SH3KBP1: variants seen among roughly 807,000 people sequenced by gnomAD.
The protein encoded by SH3KBP1 is SH3 domain containing kinase binding protein 1, also known as SH3 domain-containing kinase-binding protein 1.
A neutral mutation model predicts 50.1 loss-of-function variants in SH3KBP1; 8 were observed. The observed-to-expected ratio is 0.16, with a 90% confidence interval of 0.09 to 0.29. SH3KBP1 has a LOEUF of 0.29. Ranked by LOEUF, SH3KBP1 falls within the 10% of genes least tolerant of loss-of-function variation. The pLI is 1.00. For missense variants in SH3KBP1, 377 were observed against 535.2 expected (o/e 0.70, Z 2.92); for synonymous variants, 227 against 218.6 (o/e 1.04, Z -0.34).
chrX:19,832,698 T>C (rs1258091668), intron 2 of SH3KBP1, among the ~76,000 whole-genome samples: 4 of 109,806 alleles, frequency 3.6e-5, no homozygotes, highest in Non-Finnish European at 7.6e-5. Context: ...CCACCAGGGC[T>C]TCCCTTGAGC....
At chrX:19,795,679 T>C (rs1042219470) in intron 2 of SH3KBP1, among the ~76,000 whole-genome samples, 1 of 110,914 alleles carries the variant, frequency 9.0e-6, no homozygotes, top group Non-Finnish European at 1.9e-5. Flanking sequence ...CCAAAAAGAG[T>C]CTGCCTATGG....
chrX:19,780,090 T>C lies in SH3KBP1; in HGVS notation c.163-33649A>G, dbSNP rs1472328098. On this transcript the variant is annotated intron_variant, in intron 2 of 17. Transcript: ENST00000397821. ...AAAAGTGTTCCTATTTCTCCACATCTTCTCCAGCACCTGTTGTTTCCTGAC... is the reference window on the plus strand; with the variant it reads ...AAAAGTGTTCCTATTTCTCCACATCCTCTCCAGCACCTGTTGTTTCCTGAC... Among the ~76,000 whole-genome samples, 156 of 108,050 alleles carry C rather than the reference T, an allele frequency of 1.4e-3. 2 individuals carry two copies. The highest frequency in any genetic ancestry group is 0.011 in the Admixed American group (108 of 10,067). 93.8% of individuals were successfully genotyped at this position (108,050 alleles called of 115,157 possible). A position where few individuals can be genotyped will look rare whatever the true frequency, so the allele number is the denominator to read the frequency against.
rs76906418 is a variant in SH3KBP1 at position 19,843,811 on chromosome X, A to C, written c.5-7529T>G. ...AAGAGATGAATCAAGAAAGAAGAGA[A>C]AAAACAAACCCGGCTGTGTGAGAGG... is the stretch of plus-strand genomic sequence containing the variant. On this transcript the variant is annotated intron_variant, in intron 1 of 17. Coordinates refer to ENST00000397821, the MANE Select transcript of SH3KBP1 (RefSeq NM_031892.3). 4.2e-4 allele frequency among the ~76,000 whole-genome samples: 47 copies of C among 111,734 alleles called. No individual in the cohort carries two copies. In the East Asian group the frequency reaches 0.013, roughly 30 times the overall value.
intron 2 of SH3KBP1, among the ~76,000 whole-genome samples, chrX:19,823,819 C>A (rs1254543877): frequency 9.0e-6 from 1 of 111,181 alleles, no homozygotes; most frequent in Non-Finnish European, 1.9e-5. Flanking sequence ...TGTATTAATT[C>A]TCTTTGGTTT....
chrX:19,762,849 T>C (rs1274525684), intron 2 of SH3KBP1, among the ~76,000 whole-genome samples: 4 of 112,128 alleles, frequency 3.6e-5, no homozygotes, highest in African/African-American at 1.3e-4. Flanking sequence ...CAGCAAACTT[T>C]GGCTGTTTCT....
rs769729845 is a variant in SH3KBP1, at chrX:19,809,092, T to C, written c.162+27033A>G. 6.3e-5 allele frequency among the ~76,000 whole-genome samples: 7 copies of C among 111,922 alleles called. No individual in the cohort carries two copies. The South Asian group carries it at 1.8e-3, about 29-fold the overall frequency. Reference sequence around the variant, plus strand: ...GTAGAAAAGAGTACTATAATATAAATAGACTGAGGTATGTGTACAGCACTT... The same window carrying C: ...GTAGAAAAGAGTACTATAATATAAACAGACTGAGGTATGTGTACAGCACTT... On this transcript the variant is annotated intron_variant, in intron 2 of 17. Coordinates refer to ENST00000397821, the MANE Select transcript of SH3KBP1 (RefSeq NM_031892.3).
chrX:19,811,249 A>G (rs1274597453), intron 2 of SH3KBP1, among the ~76,000 whole-genome samples: 3 of 112,213 alleles, frequency 2.7e-5, no homozygotes, highest in Admixed American at 1.9e-4. Context: ...TTAAACAGCA[A>G]TTACAGAACG....
At chrX:19,755,836 T>C (rs1312635778) in intron 2 of SH3KBP1, among the ~76,000 whole-genome samples, 5 of 111,496 alleles carry the variant, frequency 4.5e-5, no homozygotes, top group Non-Finnish European at 9.4e-5. Context: ...TAAAAAGGCA[T>C]TGTAAAAATC....
At position 19,682,819 on chromosome X, in the gene SH3KBP1, G is replaced by A. The variant is rs754781465; in HGVS notation, c.726+1004C>T. The stretch of plus-strand genomic sequence containing the variant: ...CTAATGCATGATGACACTGGGCAAG[G>A]TTGCTGAGGGCGGGTGGAGGGGTGG... On this transcript the variant is annotated intron_variant, in intron 6 of 17. Coordinates refer to ENST00000397821, the MANE Select transcript of SH3KBP1 (RefSeq NM_031892.3). 9.3e-5 allele frequency among the ~76,000 whole-genome samples: 10 copies of A among 107,008 alleles called. No homozygotes were observed. The East Asian group carries it at 2.9e-3, about 31-fold the overall frequency. The allele number at this position is 107,008 out of a possible 115,157, so 92.9% of individuals were successfully genotyped here. A position where few individuals can be genotyped will look rare whatever the true frequency, so the allele number is the denominator to read the frequency against.
intron 3 of SH3KBP1, among the ~76,000 whole-genome samples, chrX:19,722,560 G>A (rs1201582539): frequency 1.1e-4 from 11 of 96,791 alleles, no homozygotes; most frequent in Non-Finnish European, 1.8e-4. Flanking sequence ...GTGTGTGCGC[G>A]TGCGCACTGG....
intron 2 of SH3KBP1, among the ~76,000 whole-genome samples, chrX:19,812,395 G>T (rs1437350534): frequency 9.0e-6 from 1 of 111,138 alleles, no homozygotes; most frequent in Non-Finnish European, 1.9e-5. Flanking sequence ...CTCCCTCAGT[G>T]GCATAAAGAT....
chrX:19,797,393 A>C (rs1431215254), intron 2 of SH3KBP1, among the ~76,000 whole-genome samples: 2 of 112,002 alleles, frequency 1.8e-5, no homozygotes, highest in Non-Finnish European at 3.8e-5. Context: ...CAGTGCTGGG[A>C]CAGGCGAGAA....
chrX:19,668,407 T>C (rs1488930724), intron 6 of SH3KBP1, among the ~76,000 whole-genome samples: 2 of 105,378 alleles, frequency 1.9e-5, no homozygotes, highest in Non-Finnish European at 3.9e-5. Flanking sequence ...CTCAGGAGGC[T>C]GAGGCAGGAG....
intron 1 of SH3KBP1, among the ~76,000 whole-genome samples, chrX:19,848,834 C>T (rs1413891691): frequency 3.6e-5 from 4 of 111,457 alleles, no homozygotes; most frequent in African/African-American, 9.8e-5. Context: ...AGTGCAGTGC[C>T]ATTGTCATGG....
rs759291655 is a variant in SH3KBP1 at position 19,636,405 on chromosome X, C to G, written c.803-4447G>C. Among the ~76,000 whole-genome samples the G allele has an allele frequency of 3.7e-5, 4 of 109,397 alleles. No homozygotes were observed. In the East Asian group the frequency reaches 1.1e-3, roughly 31 times the overall value. The allele number at this position is 109,397 out of a possible 115,157, so 95.0% of individuals were successfully genotyped here. On this transcript the variant is annotated intron_variant, in intron 7 of 17. Coordinates refer to ENST00000397821, the MANE Select transcript of SH3KBP1 (RefSeq NM_031892.3). ...TGTGCAGAGAAAATGTATACAATAT[C>G]AGAAGGTTTGAGGACCCCAAAGCTG...
intron 1 of SH3KBP1, among the ~76,000 whole-genome samples, chrX:19,866,083 G>T (rs2068899474): frequency 8.9e-6 from 1 of 111,761 alleles, no homozygotes; most frequent in Non-Finnish European, 1.9e-5. Flanking sequence ...ATTGCAGGGG[G>T]CCAGAGACAC....
chrX:19,774,861 C>T (rs2065924806), intron 2 of SH3KBP1, among the ~76,000 whole-genome samples: 1 of 110,540 alleles, frequency 9.0e-6, no homozygotes, highest in African/African-American at 3.3e-5. Context: ...AAAGGTTTAA[C>T]TAGACAAAAA....
At chrX:19,611,356 T>A (rs1026961225) in intron 8 of SH3KBP1, among the ~76,000 whole-genome samples, 1 of 111,634 alleles carries the variant, frequency 9.0e-6, no homozygotes, top group African/African-American at 3.3e-5. Flanking sequence ...TTTGTTTTTG[T>A]TTTTGCTTTT....
At chrX:19,647,156 T>C (rs922809778) in intron 6 of SH3KBP1, among the ~76,000 whole-genome samples, 3 of 111,726 alleles carry the variant, frequency 2.7e-5, no homozygotes, top group African/African-American at 6.5e-5. Context: ...AGCATCACCA[T>C]TGTTAACACA....
Sources: allele counts gnomAD v4.1 joint callset (sites outside exome capture counted in the v4.1 genomes callset), GRCh38; gene constraint gnomAD v4.1.1; transcripts MANE v1.5; gene names NCBI Gene and HGNC (gene_info 2026-07-23, HGNC 2026-07-21).